CA10: variants seen among roughly 807,000 people sequenced by gnomAD.
The protein encoded by CA10 is carbonic anhydrase 10 (inactive).
In CA10, 14 loss-of-function variants were observed where a neutral mutation model predicts 44.2. The observed-to-expected ratio is 0.32, with a 90% CI of 0.21 to 0.50. The LOEUF (loss-of-function observed/expected upper bound fraction) is 0.50. CA10 is among the 20% of genes least tolerant of loss of function. The pLI, the probability that CA10 is intolerant of heterozygous loss-of-function variation, is 0.99. For synonymous variants in CA10, 159 were observed against 141.6 expected, an observed-to-expected ratio of 1.12 and a Z score of -0.87; for missense variants, 350 against 409.7, an observed-to-expected ratio of 0.85 and a Z score of 1.26.
At chr17:51,649,674 A>G (rs1913480882) in intron 5 of CA10, among the ~76,000 whole-genome samples, 1 of 152,202 alleles carries the variant, frequency 6.6e-6, no homozygotes, top group African/African-American at 2.4e-5. Flanking sequence ...GGGAAGTGAG[A>G]ACCAGGCATG....
intron 4 of CA10, among the ~76,000 whole-genome samples, chr17:51,701,011 C>G (rs922660024): frequency 6.6e-6 from 1 of 152,018 alleles, no homozygotes. Flanking sequence ...ATAGGTGCAG[C>G]AAATCACCAT....
At chr17:51,712,527 C>T (rs1915973466) in intron 4 of CA10, among the ~76,000 whole-genome samples, 1 of 152,148 alleles carries the variant, frequency 6.6e-6, no homozygotes, top group Non-Finnish European at 1.5e-5. Flanking sequence ...TTAGAAGCCT[C>T]TGATAATAAA....
chr17:51,708,322 G>A (rs1357484031), intron 4 of CA10, among the ~76,000 whole-genome samples: 1 of 152,210 alleles, frequency 6.6e-6, no homozygotes, highest in Non-Finnish European at 1.5e-5. Context: ...CAGGGAAGGA[G>A]AGGCACTGAA....
chr17:51,844,162 TGAA>T (rs74754762), intron 3 of CA10, among the ~76,000 whole-genome samples: 4,468 of 152,216 alleles, frequency 0.029, 100 homozygotes, highest in Non-Finnish European at 0.041. Flanking sequence ...AGATCTTATT[TGAA>T]GAAGAGGAAA....
At chr17:51,660,947 G>A (rs1157741445) in intron 4 of CA10, among the ~76,000 whole-genome samples, 1 of 152,000 alleles carries the variant, frequency 6.6e-6, no homozygotes, top group East Asian at 1.9e-4. Context: ...AGAGAAGGGA[G>A]GGAATAAACT....
chr17:51,790,131 G>T (rs1371151969), intron 3 of CA10, among the ~76,000 whole-genome samples: 1 of 152,164 alleles, frequency 6.6e-6, no homozygotes, highest in Non-Finnish European at 1.5e-5. Flanking sequence ...GGGGAGCCAG[G>T]ACTCACTCTG....
chr17:51,786,929 T>A (rs896895122), intron 3 of CA10, among the ~76,000 whole-genome samples: 3 of 152,194 alleles, frequency 2.0e-5, no homozygotes, highest in Non-Finnish European at 4.4e-5. Context: ...TTTTTGGAAA[T>A]AATCATATTG....
chr17:51,649,899 G>C (rs928215241), intron 5 of CA10, among the ~76,000 whole-genome samples: 2 of 141,216 alleles, frequency 1.4e-5, no homozygotes, highest in Admixed American at 1.4e-4. Context: ...AAACTGAAAA[G>C]TATCACTGCT....
At chr17:52,008,158 T>C (rs1006497165) in intron 2 of CA10, among the ~76,000 whole-genome samples, 4 of 151,812 alleles carry the variant, frequency 2.6e-5, no homozygotes, top group Non-Finnish European at 5.9e-5. Flanking sequence ...CATCTCTTCT[T>C]TGTTTTCTAT....
chr17:51,892,856 C>T (rs989444512), intron 3 of CA10, among the ~76,000 whole-genome samples: 3 of 152,150 alleles, frequency 2.0e-5, no homozygotes, highest in Middle Eastern at 3.2e-3. Flanking sequence ...GTACTAGAGG[C>T]TTCATTATGA....
At chr17:51,984,803 TA>T (rs1216962051) in intron 2 of CA10, among the ~76,000 whole-genome samples, 1 of 151,930 alleles carries the variant, frequency 6.6e-6, no homozygotes, top group Non-Finnish European at 1.5e-5. Context: ...CTTTCCTGCT[TA>T]AATCAGGAAG....
chr17:51,849,807 A>G (rs1400025203), intron 3 of CA10, among the ~76,000 whole-genome samples: 1 of 152,202 alleles, frequency 6.6e-6, no homozygotes, highest in Non-Finnish European at 1.5e-5. Context: ...GAGATATCAC[A>G]GCCGCTGTCA....
intron 3 of CA10, chr17:51,762,298 T>G (rs1027907984): frequency 4.6e-5 from 7 of 151,686 alleles, no homozygotes; most frequent in African/African-American, 1.7e-4. Flanking sequence ...CCTGGAGGAG[T>G]AGGCATTTGA....
chr17:51,880,802 T>C (rs1246870969), intron 3 of CA10, among the ~76,000 whole-genome samples: 3 of 151,980 alleles, frequency 2.0e-5, no homozygotes, highest in Non-Finnish European at 2.9e-5. Flanking sequence ...AAAAAACCAA[T>C]GTTCATAGTG....
chr17:51,715,282 G>T (rs1172530489), intron 4 of CA10, among the ~76,000 whole-genome samples: 1 of 151,680 alleles, frequency 6.6e-6, no homozygotes, highest in Non-Finnish European at 1.5e-5. Context: ...CGAGTTAATG[G>T]GTGCAGCACA....
rs145708285 is a variant in CA10 at position 51,853,209 on chromosome 17, T to A, written c.279+77781A>T. Among the ~76,000 whole-genome samples the A allele has an allele frequency of 4.6e-5, 7 of 152,338 alleles. No homozygotes were observed. The East Asian group carries it at 1.2e-3, about 25-fold the overall frequency. ...TAAAGTCCCAATGATGATATTTAAC[T>A]GCATAATAAACCCCACAGAAACTGC... On this transcript the variant is annotated intron_variant, in intron 3 of 8. Transcript: ENST00000451037.
chr17:52,113,051 G>C (rs1169914538), intron 1 of CA10, among the ~76,000 whole-genome samples: 1 of 152,094 alleles, frequency 6.6e-6, no homozygotes, highest in South Asian at 2.1e-4. Context: ...TAACAACCCT[G>C]GCAAAACAAC....
intron 3 of CA10, among the ~76,000 whole-genome samples, chr17:51,824,580 TGA>T (rs1907937740): frequency 4.6e-5 from 7 of 152,354 alleles, no homozygotes; most frequent in Admixed American, 2.6e-4. Flanking sequence ...TCAGTCTTAT[TGA>T]TTTTTCCCTT....
chr17:52,122,605 C>T (rs1461344286), intron 1 of CA10, among the ~76,000 whole-genome samples: 1 of 152,178 alleles, frequency 6.6e-6, no homozygotes, highest in Non-Finnish European at 1.5e-5. Context: ...ATTCTTGTAT[C>T]ACTAGAAAGA....
Sources: gnomAD v4.1 joint callset for allele counts (sites outside exome capture counted in the v4.1 genomes callset) on GRCh38, gnomAD v4.1.1 for gene constraint, MANE v1.5 for transcripts, NCBI Gene and HGNC (gene_info 2026-07-23, HGNC 2026-07-21) for gene names.